Variants in TNFSF4 observed in about 807,000 individuals in gnomAD.
TNFSF4 encodes tumor necrosis factor ligand superfamily member 4.
A neutral mutation model predicts 7.3 loss-of-function variants in TNFSF4; 4 were observed. The observed-to-expected ratio is 0.55, with a 90% CI of 0.27 to 1.25. The LOEUF (loss-of-function observed/expected upper bound fraction) is 1.25. Ranked by LOEUF, TNFSF4 falls within the 50% of genes most tolerant of loss-of-function variation. The pLI is 0.12. For synonymous variants in TNFSF4, 76 were observed against 83.7 expected, an observed-to-expected ratio of 0.91 and a Z score of 0.50; for missense variants, 181 against 208.8, an observed-to-expected ratio of 0.87 and a Z score of 0.82.
At chr1:173,439,178 C>T in the TNFSF4 span, among the ~76,000 whole-genome samples, 25,529 of 152,140 alleles carry the variant, frequency 0.17, 2,959 homozygotes, top group African/African-American at 0.32. Context: ...TCAACTTTCA[C>T]TGATGAAGAC....
chr1:173,232,576 G>T, the TNFSF4 span, among the ~76,000 whole-genome samples: 2 of 152,136 alleles, frequency 1.3e-5, no homozygotes, highest in Admixed American at 1.3e-4. Context: ...TCCAGTTTTT[G>T]CCCATTCAGT....
intron 1 of TNFSF4, among the ~76,000 whole-genome samples, chr1:173,205,055 G>A (rs910630065): frequency 6.6e-6 from 1 of 151,948 alleles, no homozygotes; most frequent in Non-Finnish European, 1.5e-5. Context: ...ATAAATATAA[G>A]ATTAAATGTA....
the TNFSF4 span, among the ~76,000 whole-genome samples, chr1:173,372,282 A>C: frequency 6.6e-6 from 1 of 152,162 alleles, no homozygotes; most frequent in Non-Finnish European, 1.5e-5. Context: ...CCCCGGATAC[A>C]GCAAGATGGC....
chr1:173,260,619 T>C, the TNFSF4 span, among the ~76,000 whole-genome samples: 1 of 152,080 alleles, frequency 6.6e-6, no homozygotes, highest in Non-Finnish European at 1.5e-5. Flanking sequence ...AAGACACACA[T>C]AGAATCAAAA....
chr1:173,411,832 A>G, the TNFSF4 span, among the ~76,000 whole-genome samples: 2 of 150,408 alleles, frequency 1.3e-5, no homozygotes, highest in African/African-American at 4.9e-5. Flanking sequence ...TAAAAAGGAA[A>G]TAGTTGGCCG....
At chr1:173,176,244 T>G in the TNFSF4 span, among the ~76,000 whole-genome samples, 1 of 152,050 alleles carries the variant, frequency 6.6e-6, no homozygotes, top group Admixed American at 6.6e-5. Flanking sequence ...CGATAATTAT[T>G]TCCATGCTAC....
the TNFSF4 span, among the ~76,000 whole-genome samples, chr1:173,335,082 A>G: frequency 1.3e-5 from 2 of 152,090 alleles, no homozygotes; most frequent in African/African-American, 4.8e-5. Flanking sequence ...CTAAGCAGAG[A>G]TTCTTCATTT....
the TNFSF4 span, among the ~76,000 whole-genome samples, chr1:173,428,535 C>G: frequency 6.6e-6 from 1 of 152,120 alleles, no homozygotes; most frequent in Admixed American, 6.5e-5. Flanking sequence ...TATCTTAATT[C>G]AAACAAGCTG....
chr1:173,386,980 C>A, the TNFSF4 span, among the ~76,000 whole-genome samples: 1 of 152,300 alleles, frequency 6.6e-6, no homozygotes, highest in Non-Finnish European at 1.5e-5. Context: ...TGATTGATTT[C>A]GCAGGTTTAC....
the TNFSF4 span, among the ~76,000 whole-genome samples, chr1:173,385,128 A>T: frequency 9.4e-4 from 143 of 152,342 alleles, 1 homozygote; most frequent in Non-Finnish European, 1.0e-3. Context: ...TATAAATAGG[A>T]AGTAAGACAA....
At chr1:173,308,704 G>T in the TNFSF4 span, among the ~76,000 whole-genome samples, 7,274 of 151,936 alleles carry the variant, frequency 0.048, 469 homozygotes, top group African/African-American at 0.15. Context: ...GCTCATCCCT[G>T]TTCCATGTTA....
chr1:173,242,959 G>A, the TNFSF4 span, among the ~76,000 whole-genome samples: 1 of 129,028 alleles, frequency 7.8e-6, no homozygotes, highest in Non-Finnish European at 1.6e-5. Flanking sequence ...TTTTGAAACA[G>A]TTTCTATAAG....
At chr1:173,355,964 C>T in the TNFSF4 span, among the ~76,000 whole-genome samples, 1 of 152,298 alleles carries the variant, frequency 6.6e-6, no homozygotes, top group African/African-American at 2.4e-5. Flanking sequence ...TAAAGACATT[C>T]AATTCAAAAT....
At chr1:173,283,194 T>A in the TNFSF4 span, among the ~76,000 whole-genome samples, 12,465 of 152,140 alleles carry the variant, frequency 0.082, 991 homozygotes, top group African/African-American at 0.2. Flanking sequence ...ACTCTCCAAC[T>A]GTAAAGTAGC....
chr1:173,375,273 C>G, the TNFSF4 span, among the ~76,000 whole-genome samples: 15 of 152,328 alleles, frequency 9.8e-5, no homozygotes, highest in Middle Eastern at 6.8e-3. Flanking sequence ...TGGACTGACC[C>G]ACTGACCCTT....
chr1:173,345,595 C>T, the TNFSF4 span, among the ~76,000 whole-genome samples: 1 of 152,138 alleles, frequency 6.6e-6, no homozygotes, highest in Non-Finnish European at 1.5e-5. Context: ...GATGATCAGA[C>T]ATTGAGGTTG....
At chr1:173,306,021 T>G in the TNFSF4 span, among the ~76,000 whole-genome samples, 1 of 151,900 alleles carries the variant, frequency 6.6e-6, no homozygotes, top group African/African-American at 2.4e-5. Flanking sequence ...CACTCTCAGA[T>G]AATAAAATAT....
At chr1:173,359,767 C>T in the TNFSF4 span, among the ~76,000 whole-genome samples, 1 of 152,190 alleles carries the variant, frequency 6.6e-6, no homozygotes, top group African/African-American at 2.4e-5. Flanking sequence ...GATAGTGTTT[C>T]CAATCTTTCC....
chr1:173,422,787 G>A, the TNFSF4 span, among the ~76,000 whole-genome samples: 2 of 152,104 alleles, frequency 1.3e-5, no homozygotes, highest in Admixed American at 6.5e-5. Context: ...CTGGAATGAC[G>A]GAACACCCAT....
Sources: allele counts gnomAD v4.1 joint callset (sites outside exome capture counted in the v4.1 genomes callset), GRCh38; gene constraint gnomAD v4.1.1; transcripts MANE v1.5; gene names NCBI Gene and HGNC (gene_info 2026-07-23, HGNC 2026-07-21).